Variants in MORN5 observed in about 807,000 individuals in gnomAD.
MORN5 encodes the protein MORN repeat containing 5, also known as MORN repeat-containing protein 5.
A neutral mutation model predicts 22.1 loss-of-function variants in MORN5; 21 were observed. That is an observed-to-expected ratio of 0.95 (90% CI 0.67 to 1.37). MORN5 has a LOEUF of 1.37. Among genes scored for constraint, MORN5 ranks in the 40% most tolerant of loss-of-function variants. The pLI is 0.00. For missense variants in MORN5, 211 were observed against 215.1 expected (o/e 0.98, Z 0.12); for synonymous variants, 73 against 74.0 (o/e 0.99, Z 0.07).
chr9:122,163,346 A>G (rs911931343), intron 1 of MORN5, among the ~76,000 whole-genome samples: 22 of 152,224 alleles, frequency 1.4e-4, no homozygotes, highest in Admixed American at 2.0e-4. Flanking sequence ...TCACCCAGTT[A>G]GCATTTGGCA....
chr9:122,176,884 T>G (rs904088416), intron 4 of MORN5, among the ~76,000 whole-genome samples: 7 of 151,676 alleles, frequency 4.6e-5, no homozygotes, highest in Non-Finnish European at 8.8e-5. Flanking sequence ...TCTCAAAAAA[T>G]AAAAAGAAAA....
At chr9:122,191,543 A>G (rs1250349505) in intron 4 of MORN5, among the ~76,000 whole-genome samples, 2 of 152,178 alleles carry the variant, frequency 1.3e-5, no homozygotes, top group Non-Finnish European at 2.9e-5. Context: ...GTGCCCGGCC[A>G]TTGTGAGCTC....
intron 4 of MORN5, among the ~76,000 whole-genome samples, chr9:122,178,908 T>C (rs2118763648): frequency 6.6e-6 from 1 of 152,336 alleles, no homozygotes; most frequent in South Asian, 2.1e-4. Context: ...ATGGCAGCAT[T>C]ATCTTCTATA....
At chr9:122,192,615 T>C (rs144429891) in intron 4 of MORN5, among the ~76,000 whole-genome samples, 1 of 152,226 alleles carries the variant, frequency 6.6e-6, no homozygotes, top group Non-Finnish European at 1.5e-5. Context: ...AGCTGTGCCC[T>C]GTACAGGTCA....
intron 4 of MORN5, chr9:122,175,400 C>T (rs1188745654): frequency 2.2e-6 from 2 of 915,996 alleles, no homozygotes; most frequent in Non-Finnish European, 2.6e-6. Flanking sequence ...CAACACAAGG[C>T]TGATCAGACT....
intron 4 of MORN5, among the ~76,000 whole-genome samples, chr9:122,180,247 A>G (rs886092080): frequency 1.4e-5 from 2 of 147,684 alleles, no homozygotes. Flanking sequence ...TGATGTATGT[A>G]TCTTTGTACA....
At position 122,169,719 on chromosome 9, in the gene MORN5, GT is replaced by G; in HGVS notation, c.274del (p.Tyr92ThrfsTer8). 2 of 1,614,092 alleles carry G rather than the reference GT, an allele frequency of 1.2e-6. No homozygotes were observed. Among genetic ancestry groups the G allele is most frequent in the Non-Finnish European group, 1.7e-6 (2 of 1,179,960 alleles). On this transcript the variant is annotated frameshift_variant, in exon 3 of 5. Transcript: ENST00000373764. LOFTEE classifies it high-confidence loss of function. ...WHYCDGYDRR[F>X]YTEILNGLKP... ...ATTACTGCGACGGCTATGATCGGAG[GT>G]TTTACACAGAGATCCTCAATGGCTT...
intron 4 of MORN5, among the ~76,000 whole-genome samples, chr9:122,189,914 G>A (rs1231523454): frequency 6.6e-6 from 1 of 152,100 alleles, no homozygotes; most frequent in Non-Finnish European, 1.5e-5. Context: ...CCTATAAAAA[G>A]TTTTTAAAAA....
At chr9:122,175,790 G>T in intron 4 of MORN5, 2 of 810,908 alleles carry the variant, frequency 2.5e-6, no homozygotes, top group Non-Finnish European at 3.0e-6. Context: ...AGTCAGTGAT[G>T]ACCAGAAAGG....
At chr9:122,175,063 C>T (rs1829428589) in intron 4 of MORN5, 1 of 221,920 alleles carries the variant, frequency 4.5e-6, no homozygotes, top group Non-Finnish European at 7.6e-6. Context: ...GGAACAAACA[C>T]AATGAAGGGA....
At chr9:122,181,627 G>A (rs1044542188) in intron 4 of MORN5, among the ~76,000 whole-genome samples, 2 of 152,208 alleles carry the variant, frequency 1.3e-5, no homozygotes, top group Non-Finnish European at 2.9e-5. Context: ...AGCTGAGAGA[G>A]GTGAGAGAGA....
intron 4 of MORN5, among the ~76,000 whole-genome samples, chr9:122,180,178 C>T (rs540636264): frequency 6.6e-6 from 1 of 151,900 alleles, no homozygotes; most frequent in Non-Finnish European, 1.5e-5. Context: ...CTCAAACCTT[C>T]GACCCGCAGT....
intron 4 of MORN5, among the ~76,000 whole-genome samples, chr9:122,195,090 G>A (rs1326845491): frequency 6.6e-6 from 1 of 152,042 alleles, no homozygotes; most frequent in Non-Finnish European, 1.5e-5. Flanking sequence ...AAAGAAAAGG[G>A]AGTGAATGAC....
intron 4 of MORN5, among the ~76,000 whole-genome samples, chr9:122,199,504 G>A (rs1829965653): frequency 1.3e-5 from 2 of 152,212 alleles, no homozygotes; most frequent in South Asian, 4.1e-4. Flanking sequence ...TCAGGACTCT[G>A]TCTCCTAGCA....
At chr9:122,169,530 T>A (rs932321904) in intron 2 of MORN5, 115 bp from the exon 3 acceptor site, 20 of 694,594 alleles carry the variant, frequency 2.9e-5, no homozygotes, top group Non-Finnish European at 4.4e-5. Flanking sequence ...ATTGTGATAG[T>A]TACCACTTCT....
chr9:122,167,512 C>G (rs1472853859), intron 2 of MORN5, among the ~76,000 whole-genome samples: 2 of 151,864 alleles, frequency 1.3e-5, no homozygotes, highest in Non-Finnish European at 2.9e-5. Flanking sequence ...GCCACCATGC[C>G]CGGCTAATTT....
intron 2 of MORN5, 130 bp downstream of exon 2, chr9:122,167,045 C>G (rs549263784): frequency 6.2e-6 from 5 of 806,580 alleles, no homozygotes; most frequent in East Asian, 3.0e-5. Flanking sequence ...GCTTCTCCCC[C>G]ACTCCCCCCA....
intron 4 of MORN5, among the ~76,000 whole-genome samples, chr9:122,187,714 C>T (rs988349287): frequency 6.6e-6 from 1 of 152,192 alleles, no homozygotes; most frequent in Admixed American, 6.5e-5. Flanking sequence ...AGGAAGCAGT[C>T]CAACACAATT....
chr9:122,179,746 C>A (rs1260214363), intron 4 of MORN5, among the ~76,000 whole-genome samples: 1 of 152,194 alleles, frequency 6.6e-6, no homozygotes, highest in Non-Finnish European at 1.5e-5. Context: ...TTGTGGCCAC[C>A]TAGTCATTAC....
Sources: allele counts gnomAD v4.1 joint callset (sites outside exome capture counted in the v4.1 genomes callset), GRCh38; gene constraint gnomAD v4.1.1; transcripts MANE v1.5; gene names NCBI Gene and HGNC (gene_info 2026-07-23, HGNC 2026-07-21).